Variants in PDE10A observed in about 807,000 individuals in gnomAD.
The protein encoded by PDE10A is cAMP and cAMP-inhibited cGMP 3',5'-cyclic phosphodiesterase 10A.
A neutral mutation model predicts 97.7 loss-of-function variants in PDE10A; 39 were observed. The ratio of observed to expected loss-of-function variants is 0.40; its 90% CI spans 0.31 to 0.52. The LOEUF (loss-of-function observed/expected upper bound fraction) is 0.52, where lower values mean the gene tolerates loss of function less well. PDE10A is among the 20% of genes least tolerant of loss of function. PDE10A has a pLI of 0.56. For synonymous variants in PDE10A, 371 were observed against 376.8 expected, an observed-to-expected ratio of 0.98 and a Z score of 0.18; for missense variants, 731 against 1,047.8, an observed-to-expected ratio of 0.70 and a Z score of 4.17.
intron 1 of PDE10A, among the ~76,000 whole-genome samples, chr6:165,929,906 T>C (rs933124720): frequency 1.3e-5 from 2 of 149,102 alleles, no homozygotes; most frequent in East Asian, 4.0e-4. Flanking sequence ...ACCGGGCACA[T>C]ATCACTCCAG....
intron 1 of PDE10A, among the ~76,000 whole-genome samples, chr6:165,768,382 G>T (rs1216065076): frequency 1.3e-5 from 2 of 152,014 alleles, no homozygotes; most frequent in Non-Finnish European, 2.9e-5. Context: ...ATACACATAG[G>T]TTTTCTTCTA....
chr6:165,493,138 A>T (rs980890040), intron 2 of PDE10A, among the ~76,000 whole-genome samples: 6 of 152,178 alleles, frequency 3.9e-5, no homozygotes, highest in African/African-American at 1.4e-4. Flanking sequence ...TGGAGGTGAA[A>T]GACTGCTACA....
At chr6:165,810,509 T>C (rs12523813) in intron 1 of PDE10A, among the ~76,000 whole-genome samples, 41,929 of 151,998 alleles carry the variant, frequency 0.28, 6,516 homozygotes, top group African/African-American at 0.43. Context: ...AACTGTAACA[T>C]CCCTGTCCAT....
At chr6:165,382,857 C>A (rs983642002) in intron 17 of PDE10A, among the ~76,000 whole-genome samples, 3 of 152,022 alleles carry the variant, frequency 2.0e-5, no homozygotes, top group Admixed American at 1.3e-4. Context: ...AGCCAAATAC[C>A]TTTTCTATTC....
At position 165,853,051 on chromosome 6, in the gene PDE10A, C is replaced by T. The variant is rs1028941617; in HGVS notation, c.-615+134478G>A. Among the ~76,000 whole-genome samples, 8 of 152,330 alleles carry T rather than the reference C, an allele frequency of 5.3e-5. No individual in the cohort carries two copies. In the South Asian group the frequency reaches 1.0e-3, roughly 20 times the overall value. On this transcript the variant is annotated intron_variant, in intron 1 of 19. Transcript: ENST00000366882. ...TGTGAAACACAACAGAGGCAGGTGACGAAGATTTCTTCCAGTCCCTCATTT... is the reference window on the plus strand; with the variant it reads ...TGTGAAACACAACAGAGGCAGGTGATGAAGATTTCTTCCAGTCCCTCATTT...
At chr6:165,821,592 C>G (rs116533031) in intron 1 of PDE10A, among the ~76,000 whole-genome samples, 3 of 152,072 alleles carry the variant, frequency 2.0e-5, no homozygotes, top group Admixed American at 6.5e-5. Context: ...GATCTCAGCT[C>G]ACTACAACCT....
intron 1 of PDE10A, among the ~76,000 whole-genome samples, chr6:165,962,330 A>G (rs1313271805): frequency 6.6e-6 from 1 of 152,206 alleles, no homozygotes; most frequent in Non-Finnish European, 1.5e-5. Context: ...GGGAATGAGG[A>G]TGGACCCAAA....
intron 2 of PDE10A, among the ~76,000 whole-genome samples, chr6:165,525,939 A>C (rs1011615260): frequency 6.6e-6 from 1 of 152,202 alleles, no homozygotes. Context: ...AATGGACAAA[A>C]GAGTAATTTA....
At chr6:165,642,840 C>T (rs540407134) in intron 1 of PDE10A, among the ~76,000 whole-genome samples, 10 of 152,356 alleles carry the variant, frequency 6.6e-5, no homozygotes, top group Non-Finnish European at 1.0e-4. Context: ...TCCCATCACA[C>T]ATTTTTAAGT....
chr6:165,873,695 G>A (rs1264312385), intron 1 of PDE10A, among the ~76,000 whole-genome samples: 1 of 152,136 alleles, frequency 6.6e-6, no homozygotes, highest in East Asian at 1.9e-4. Flanking sequence ...GAGGAGATGT[G>A]AAGGATGCAT....
intron 5 of PDE10A, among the ~76,000 whole-genome samples, chr6:165,446,397 T>G (rs1261038113): frequency 6.6e-6 from 1 of 152,102 alleles, no homozygotes; most frequent in Non-Finnish European, 1.5e-5. Context: ...AAAAAAACAC[T>G]TGAGTGAACT....
chr6:165,373,495 G>T (rs1350378069), intron 18 of PDE10A, among the ~76,000 whole-genome samples: 1 of 152,134 alleles, frequency 6.6e-6, no homozygotes, highest in Non-Finnish European at 1.5e-5. Flanking sequence ...CATCATGACT[G>T]GCCATCAGAG....
chr6:165,431,518 GTATA>G, intron 7 of PDE10A, 46 bp from the exon 8 acceptor site: 2 of 900,026 alleles, frequency 2.2e-6, no homozygotes, highest in Non-Finnish European at 1.7e-6. Context: ...AATACATAAC[GTATA>G]TATATATACT....
At chr6:165,975,482 A>G (rs1784821629) in intron 1 of PDE10A, among the ~76,000 whole-genome samples, 1 of 152,204 alleles carries the variant, frequency 6.6e-6, no homozygotes. Flanking sequence ...ATTCAGTCAC[A>G]CATTCATTCA....
intron 1 of PDE10A, among the ~76,000 whole-genome samples, chr6:165,677,672 C>A (rs575497123): frequency 6.6e-6 from 1 of 152,178 alleles, no homozygotes; most frequent in Admixed American, 6.5e-5. Flanking sequence ...GGGACTTGAA[C>A]GTCGGTGGAC....
chr6:165,396,318 A>G lies in PDE10A; in HGVS notation c.2218T>C (p.Leu740=), dbSNP rs1157121194. The G allele has an allele frequency of 3.1e-6, 5 of 1,611,896 alleles. No homozygotes were observed. The highest frequency in any genetic ancestry group is 3.4e-5 in the Admixed American group (2 of 59,676). ...LPVRLCKEIE[L]FHFDIGPFEN... is the part of the protein sequence containing the mutation. The stretch of plus-strand genomic sequence containing the variant: ...AAACTGACAGAGCAACATACTTACA[A>G]TTCAATTTCTTTGCAGAGACGCACG... The change falls in exon 14 of 22, where the codon TTA becomes CTA. Residue 740 remains leucine, a splice_region_variant and synonymous_variant. Coordinates refer to ENST00000539869, the MANE Select transcript of PDE10A (RefSeq NM_001385079.1).
intron 1 of PDE10A, among the ~76,000 whole-genome samples, chr6:165,648,612 C>A (rs896646018): frequency 6.6e-6 from 1 of 152,028 alleles, no homozygotes; most frequent in Admixed American, 6.6e-5. Context: ...GAAGTCACAA[C>A]AATTTTGAAT....
rs1040973787 is a variant in PDE10A at position 165,809,813 on chromosome 6, C to T, written c.-615+177716G>A. Among the ~76,000 whole-genome samples the T allele has an allele frequency of 5.3e-5, 8 of 152,176 alleles. No individual in the cohort carries two copies. The East Asian group carries it at 7.7e-4, about 15-fold the overall frequency. ...ATATTAGCATCAGCCCTGGAACGGG[C>T]GGCATCAGGGATCGCAACACAATGC... On this transcript the variant is annotated intron_variant, in intron 1 of 19. Coordinates refer to the PDE10A transcript ENST00000366882.
At chr6:165,405,836 C>CA (rs1239105558) in intron 13 of PDE10A, among the ~76,000 whole-genome samples, 2 of 152,124 alleles carry the variant, frequency 1.3e-5, no homozygotes, top group African/African-American at 4.8e-5. Flanking sequence ...TACTGCAGAG[C>CA]AGGCGCTTTT....
Sources: allele counts gnomAD v4.1 joint callset (sites outside exome capture counted in the v4.1 genomes callset), GRCh38; gene constraint gnomAD v4.1.1; transcripts MANE v1.5; gene names NCBI Gene and HGNC (gene_info 2026-07-23, HGNC 2026-07-21).